The following KIRREL3 variants were observed in gnomAD, a reference collection of about 807,000 sequenced individuals.
KIRREL3 encodes kin of IRRE-like protein 3.
In KIRREL3, 36 loss-of-function variants were observed where a neutral mutation model predicts 89.7. That is an observed-to-expected ratio of 0.40 (90% CI 0.31 to 0.53). The LOEUF is 0.53. Ranked by LOEUF, KIRREL3 falls within the 20% of genes least tolerant of loss-of-function variation. The probability of loss-of-function intolerance (pLI) is 0.49; values close to 1 mark genes in which losing one functional copy is unlikely to be tolerated. For synonymous variants in KIRREL3, 445 were observed against 441.4 expected (o/e 1.01, Z -0.10); for missense variants, 864 against 1,056.6 (o/e 0.82, Z 2.53).
chr11:126,450,307 GC>G (rs928632339), intron 7 of KIRREL3, among the ~76,000 whole-genome samples: 6 of 151,582 alleles, frequency 4.0e-5, no homozygotes, highest in Middle Eastern at 3.4e-3. Context: ...GTGTGAGTGT[GC>G]CCATGTGCAC....
At chr11:126,947,917 T>C (rs1469486172) in intron 1 of KIRREL3, among the ~76,000 whole-genome samples, 4 of 152,178 alleles carry the variant, frequency 2.6e-5, no homozygotes, top group Admixed American at 6.5e-5. Flanking sequence ...GGGGCCATGA[T>C]GCTGGAATGG....
In KIRREL3 at chr11:126,703,450, T is replaced by C. The variant is rs1430419348; in HGVS notation, c.56-140538A>G. 2.6e-5 allele frequency among the ~76,000 whole-genome samples: 4 copies of C among 152,348 alleles called. No individual in the cohort carries two copies. Among genetic ancestry groups the C allele is most frequent in the East Asian group, 3.9e-4 (2 of 5,192 alleles). On this transcript the variant is annotated intron_variant, in intron 1 of 16. Transcript: ENST00000525144. The surrounding 1 kb of genome is among the most constrained non-coding windows in gnomAD (Gnocchi z 4.6). ...GTTATGTGCCAGGCTCTGTGCTAAGTGCTTTACATTTTATCCTCCCCTCCA... is the reference window on the plus strand; with the variant it reads ...GTTATGTGCCAGGCTCTGTGCTAAGCGCTTTACATTTTATCCTCCCCTCCA...
chr11:126,506,499 G>A (rs2134382947), intron 4 of KIRREL3, among the ~76,000 whole-genome samples: 1 of 152,294 alleles, frequency 6.6e-6, no homozygotes, highest in East Asian at 1.9e-4. Context: ...ATCAAAACAT[G>A]CTCAACATCC....
intron 5 of KIRREL3, among the ~76,000 whole-genome samples, chr11:126,464,434 G>C (rs898989088): frequency 1.3e-5 from 2 of 152,062 alleles, no homozygotes; most frequent in Non-Finnish European, 2.9e-5. Flanking sequence ...GGGAGGCTAA[G>C]GTGAGAGGAT....
At chr11:126,915,703 CA>C (rs1280699723) in intron 1 of KIRREL3, among the ~76,000 whole-genome samples, 1 of 152,202 alleles carries the variant, frequency 6.6e-6, no homozygotes, top group Non-Finnish European at 1.5e-5. Flanking sequence ...TTTGTATTTT[CA>C]AAATCTCTTT....
At chr11:126,446,373 G>A (rs893560899) in intron 9 of KIRREL3, among the ~76,000 whole-genome samples, 5 of 123,488 alleles carry the variant, frequency 4.0e-5, no homozygotes, top group Non-Finnish European at 7.1e-5. Context: ...GTCTTGCTAC[G>A]TTGCCCAGGC....
At position 126,475,467 on chromosome 11, in the gene KIRREL3, C is replaced by T. The variant is rs1957038082; in HGVS notation, c.434-2001G>A. On this transcript the variant is annotated intron_variant, in intron 4 of 16. Coordinates refer to ENST00000525144, the MANE Select transcript of KIRREL3 (RefSeq NM_032531.4). This position sits in a 1 kb window ranked among gnomAD's most constrained non-coding sequence, Gnocchi z 7.5. ...CCCTGCCCGGCCTTGGAGGCCTGCT[C>T]CCACACTAACAGCACAGCAGTGCCA... is the stretch of plus-strand genomic sequence containing the variant. Among the ~76,000 whole-genome samples, 1 of 152,218 alleles carries T rather than the reference C, an allele frequency of 6.6e-6. No homozygotes were observed. The highest frequency in any genetic ancestry group is 1.9e-4 in the East Asian group (1 of 5,178).
At position 126,697,867 on chromosome 11, in the gene KIRREL3, G is replaced by C. The variant is rs1189256537; in HGVS notation, c.56-134955C>G. 6.6e-6 allele frequency among the ~76,000 whole-genome samples: 1 copy of C among 152,158 alleles called. No homozygotes were observed. Among genetic ancestry groups the C allele is most frequent in the Non-Finnish European group, 1.5e-5 (1 of 68,026 alleles). On this transcript the variant is annotated intron_variant, in intron 1 of 16. Transcript: ENST00000525144. The surrounding 1 kb of genome is among the most constrained non-coding windows in gnomAD (Gnocchi z 4.2). ...ATCTGAGGATCTTTGTTGGTGATGA[G>C]GAGAGTGGGAGGAAGGGAGAGTGAA...
In KIRREL3 at chr11:126,568,893, G is replaced by T. The variant is rs565555131; in HGVS notation, c.56-5981C>A. Among the ~76,000 whole-genome samples the T allele has an allele frequency of 2.0e-5, 3 of 152,066 alleles. No homozygotes were observed. The highest frequency in any genetic ancestry group is 4.4e-5 in the Non-Finnish European group (3 of 68,024). On this transcript the variant is annotated intron_variant, in intron 1 of 16. Transcript: ENST00000525144. This position sits in a 1 kb window ranked among gnomAD's most constrained non-coding sequence, Gnocchi z 4.6. ...AGAGAGGTGGAGTGAGCTCTCCAGG[G>T]TGATATAATGAGCTATTAGGTTGCA...
chr11:126,923,200 TCTTC>T (rs1947477374), intron 1 of KIRREL3, among the ~76,000 whole-genome samples: 1 of 6,658 alleles, frequency 1.5e-4, no homozygotes, highest in Non-Finnish European at 2.3e-4. Context: ...TTCTTCTTCT[TCTTC>T]TTCTTCTTCT....
At chr11:126,952,098 A>G (rs1405333571) in intron 1 of KIRREL3, among the ~76,000 whole-genome samples, 3 of 152,212 alleles carry the variant, frequency 2.0e-5, no homozygotes, top group Admixed American at 1.3e-4. Flanking sequence ...GAATAAATAG[A>G]GTTTTGGCTG....
chr11:126,426,386 G>A (rs1202879345), intron 15 of KIRREL3, among the ~76,000 whole-genome samples: 1 of 152,134 alleles, frequency 6.6e-6, no homozygotes, highest in Non-Finnish European at 1.5e-5. Context: ...TCCCACACCT[G>A]GTTCAGTGCT....
intron 4 of KIRREL3, among the ~76,000 whole-genome samples, chr11:126,503,469 T>C (rs1015640140): frequency 6.6e-6 from 1 of 152,090 alleles, no homozygotes; most frequent in African/African-American, 2.4e-5. Context: ...ACTAGGCAAG[T>C]CTCCAGTGTG....
At chr11:126,853,894 T>C (rs1333096852) in intron 1 of KIRREL3, among the ~76,000 whole-genome samples, 1 of 152,142 alleles carries the variant, frequency 6.6e-6, no homozygotes, top group Admixed American at 6.6e-5. Flanking sequence ...GTTAATGATA[T>C]TAATAGTGGG....
chr11:126,976,316 A>T lies in KIRREL3; in HGVS notation c.55+24139T>A, dbSNP rs1949575093. Among the ~76,000 whole-genome samples, 1 of 152,198 alleles carries T rather than the reference A, an allele frequency of 6.6e-6. No individual in the cohort carries two copies. The highest frequency in any genetic ancestry group is 2.4e-5 in the African/African-American group (1 of 41,438). The stretch of plus-strand genomic sequence containing the variant: ...TGACATATTATTTTTCTTAAATGAG[A>T]TGTTAGCATCACTTGCTTTTAGCAA... On this transcript the variant is annotated intron_variant, in intron 1 of 16. Transcript: ENST00000525144. The surrounding 1 kb of genome is among the most constrained non-coding windows in gnomAD (Gnocchi z 4.2).
rs368419652 is a variant in KIRREL3 at position 126,459,394 on chromosome 11, G to A, written c.743-2940C>T. Among the ~76,000 whole-genome samples the A allele has an allele frequency of 3.4e-4, 51 of 152,120 alleles. 1 individual carries two copies. Among genetic ancestry groups the A allele is most frequent in the African/African-American group, 1.1e-3 (47 of 41,486 alleles). ...TGCACTTTCCCTTCCTCTTAGCATC[G>A]TCTTTGGTGATCACCTGCCCCGAAG... is the stretch of plus-strand genomic sequence containing the variant. On this transcript the variant is annotated intron_variant, in intron 6 of 16. Coordinates refer to ENST00000525144, the MANE Select transcript of KIRREL3 (RefSeq NM_032531.4). This position sits in a 1 kb window ranked among gnomAD's most constrained non-coding sequence, Gnocchi z 4.8.
At chr11:126,700,166 C>G (rs185106466) in intron 1 of KIRREL3, among the ~76,000 whole-genome samples, 2 of 148,486 alleles carry the variant, frequency 1.3e-5, no homozygotes, top group African/African-American at 5.0e-5. Flanking sequence ...TGCAGCTCAG[C>G]CTAGGAGACA....
At chr11:126,444,743 C>G (rs527749267) in intron 10 of KIRREL3, among the ~76,000 whole-genome samples, 1 of 152,230 alleles carries the variant, frequency 6.6e-6, no homozygotes, top group Non-Finnish European at 1.5e-5. Flanking sequence ...GCTGAGACCC[C>G]TTCAAAGCTA....
rs1958801290 is a variant in KIRREL3 at position 126,527,576 on chromosome 11, G to A, written c.134-889C>T. On this transcript the variant is annotated intron_variant, in intron 2 of 16. Coordinates refer to ENST00000525144, the MANE Select transcript of KIRREL3 (RefSeq NM_032531.4). The surrounding 1 kb of genome is among the most constrained non-coding windows in gnomAD (Gnocchi z 4.2). ...AGATGGGAAAATGAGGCACAGGGAG[G>A]TGAAAAATAGTAATGGGAGCTGTGC... Among the ~76,000 whole-genome samples, 1 of 152,278 alleles carries A rather than the reference G, an allele frequency of 6.6e-6. No individual in the cohort carries two copies. Among genetic ancestry groups the A allele is most frequent in the South Asian group, 2.1e-4 (1 of 4,824 alleles).
Sources: allele counts gnomAD v4.1 joint callset (sites outside exome capture counted in the v4.1 genomes callset), GRCh38; gene constraint gnomAD v4.1.1; non-coding constraint Gnocchi (gnomAD v3.1); transcripts MANE v1.5; gene names NCBI Gene and HGNC (gene_info 2026-07-23, HGNC 2026-07-21).